Variants in RPA1 observed in about 807,000 individuals in gnomAD.
RPA1 encodes replication protein A 70 kDa DNA-binding subunit.
In RPA1, 49 loss-of-function variants were observed where a neutral mutation model predicts 83.0. That is an observed-to-expected ratio of 0.59 (90% CI 0.47 to 0.75). The LOEUF (loss-of-function observed/expected upper bound fraction) is 0.75. Among genes scored for constraint, RPA1 ranks in the 30% least tolerant of loss-of-function variants. RPA1 has a pLI of 0.00. For missense variants in RPA1, 693 were observed against 776.1 expected (o/e 0.89, Z 1.27); for synonymous variants, 279 against 281.8 (o/e 0.99, Z 0.10).
rs1445780679 is a variant in RPA1, at chr17:1,891,782, G to T, written c.1552-51G>T. On this transcript the variant is annotated intron_variant, in intron 14 of 16. Transcript: ENST00000254719. ...ATTAACCTCTCCCCATCTTCTCAGT[G>T]TGTCTTTTTATTATTTCTTTGCTGA... is the stretch of plus-strand genomic sequence containing the variant. 5.8e-6 allele frequency: 7 copies of T among 1,212,418 alleles called. No individual in the cohort carries two copies. In the South Asian group the frequency reaches 7.9e-5, roughly 14 times the overall value. 75.1% of individuals were successfully genotyped at this position (1,212,418 alleles called of 1,614,324 possible).
At chr17:1,845,369 C>CA (rs879287294) in intron 4 of RPA1, among the ~76,000 whole-genome samples, 130 of 135,190 alleles carry the variant, frequency 9.6e-4, no homozygotes, top group South Asian at 1.9e-3. Context: ...CCTGTCTCTA[C>CA]AAAAAAAAAA....
At position 1,833,020 on chromosome 17, in the gene RPA1, G is replaced by A. The variant is rs144009924; in HGVS notation, c.33+2894G>A. The stretch of plus-strand genomic sequence containing the variant: ...CGGCTCACTGCAACCTCTGCCTCCC[G>A]GGTTCAAGCGATTCTCCTGTCTTAG... On this transcript the variant is annotated intron_variant, in intron 1 of 16. Transcript: ENST00000254719. Among the ~76,000 whole-genome samples, 1,037 of 152,212 alleles carry A rather than the reference G, an allele frequency of 6.8e-3. 14 individuals carry two copies. Among genetic ancestry groups the A allele is most frequent in the African/African-American group, 0.024 (982 of 41,522 alleles).
At chr17:1,865,702 C>G (rs1913150154) in intron 5 of RPA1, among the ~76,000 whole-genome samples, 1 of 152,074 alleles carries the variant, frequency 6.6e-6, no homozygotes, top group Non-Finnish European at 1.5e-5. Flanking sequence ...AGAATGTAAC[C>G]AAATACAAAT....
rs199768407 is a variant in RPA1 at position 1,879,070 on chromosome 17, G to T, written c.759+9G>T. ...TTATTGAAGTGAACAAGGTATGGCCGTGCTGACTTTAGAACTGACACCGCC... is the reference window on the plus strand; with the variant it reads ...TTATTGAAGTGAACAAGGTATGGCCTTGCTGACTTTAGAACTGACACCGCC... On this transcript the variant is annotated intron_variant, in intron 9 of 16. Coordinates refer to ENST00000254719, the MANE Select transcript of RPA1 (RefSeq NM_002945.5). 1.1e-5 allele frequency: 18 copies of T among 1,614,136 alleles called. No individual in the cohort carries two copies. The East Asian group carries it at 3.8e-4, about 34-fold the overall frequency.
At chr17:1,850,550 G>A (rs1912455895) in intron 4 of RPA1, among the ~76,000 whole-genome samples, 1 of 143,040 alleles carries the variant, frequency 7.0e-6, no homozygotes, top group Admixed American at 7.1e-5. Flanking sequence ...AAAAAAAAAG[G>A]ATTGCCTAAT....
chr17:1,897,283 T>TGGTGCACAGTGCA lies in RPA1; in HGVS notation c.*109_*110insGTGCACAGTGCAG. The TGGTGCACAGTGCA allele has an allele frequency of 2.4e-6, 2 of 840,776 alleles. No individual in the cohort carries two copies. Among genetic ancestry groups the TGGTGCACAGTGCA allele is most frequent in the Non-Finnish European group, 3.7e-6 (2 of 539,682 alleles). The allele number at this position is 840,776 out of a possible 1,614,324, so 52.1% of individuals were successfully genotyped here. On this transcript the variant is annotated 3_prime_UTR_variant, in exon 17 of 17. Transcript: ENST00000254719. ...GTTAGCTACACAGTGCAGAGGCTCT[T>TGGTGCACAGTGCA]GATGGTGGACTAAGCAATTTCCCCC...
intron 1 of RPA1, among the ~76,000 whole-genome samples, chr17:1,837,364 T>G (rs1031835825): frequency 6.6e-6 from 1 of 152,230 alleles, no homozygotes; most frequent in African/African-American, 2.4e-5. Context: ...AAAATTTGTT[T>G]ATTTACTTAT....
chr17:1,831,667 C>G (rs1344720522), intron 1 of RPA1, among the ~76,000 whole-genome samples: 1 of 149,378 alleles, frequency 6.7e-6, no homozygotes, highest in Admixed American at 6.7e-5. Context: ...GGCGCGATCT[C>G]GGCTCACTGC....
chr17:1,849,781 A>AT (rs1223630785), intron 4 of RPA1, among the ~76,000 whole-genome samples: 1 of 152,076 alleles, frequency 6.6e-6, no homozygotes, highest in Non-Finnish European at 1.5e-5. Flanking sequence ...TGCAGGTTTT[A>AT]TTTTTTAAGT....
At chr17:1,862,717 CTTTTTTTTT>C (rs71150827) in intron 5 of RPA1, among the ~76,000 whole-genome samples, 1 of 51,762 alleles carries the variant, frequency 1.9e-5, no homozygotes, top group South Asian at 1.1e-3. Context: ...CTGTGCCCAG[CTTTTTTTTT>C]TTTTTTTTTT....
rs189268144 is a variant in RPA1, at chr17:1,897,882, C to T, written c.*707C>T. ...TAAGGAAATCCGAGCGGCTACAAAG[C>T]GTTTCTTTACTTCTCACTTCAATTA... On this transcript the variant is annotated 3_prime_UTR_variant, in exon 17 of 17. Transcript: ENST00000254719. 45 of 152,728 alleles carry T rather than the reference C, an allele frequency of 2.9e-4. No homozygotes were observed. The highest frequency in any genetic ancestry group is 2.5e-3 in the Admixed American group (38 of 15,300). The allele number at this position is 152,728 out of a possible 1,614,324, so 9.5% of individuals were successfully genotyped here.
intron 4 of RPA1, among the ~76,000 whole-genome samples, chr17:1,849,066 C>T (rs978308937): frequency 2.6e-5 from 4 of 152,072 alleles, no homozygotes; most frequent in African/African-American, 9.7e-5. Flanking sequence ...AATTGCTAGG[C>T]TAAATGGTCA....
At chr17:1,867,342 T>A (rs946140682) in intron 5 of RPA1, among the ~76,000 whole-genome samples, 2 of 151,636 alleles carry the variant, frequency 1.3e-5, no homozygotes, top group Admixed American at 6.6e-5. Context: ...AGTGTTTGTG[T>A]GTGTGTGTGT....
chr17:1,856,777 C>T (rs1451202300), intron 5 of RPA1, among the ~76,000 whole-genome samples: 1 of 151,454 alleles, frequency 6.6e-6, no homozygotes, highest in Non-Finnish European at 1.5e-5. Flanking sequence ...AGTGATCTGC[C>T]TGCCTCAGCC....
chr17:1,867,146 GAC>G (rs1229756292), intron 5 of RPA1, among the ~76,000 whole-genome samples: 2 of 152,256 alleles, frequency 1.3e-5, no homozygotes, highest in South Asian at 2.1e-4. Flanking sequence ...TTATTAAATT[GAC>G]ACATCACTTT....
chr17:1,855,498 G>A (rs1357927961), intron 5 of RPA1, among the ~76,000 whole-genome samples: 4 of 152,176 alleles, frequency 2.6e-5, no homozygotes, highest in Non-Finnish European at 4.4e-5. Context: ...GTTTTTGAGC[G>A]CTAAACCAAT....
chr17:1,896,883 G>T (rs1006191879), intron 16 of RPA1, among the ~76,000 whole-genome samples, 188 bp from the exon 17 acceptor site: 1 of 152,162 alleles, frequency 6.6e-6, no homozygotes, highest in African/African-American at 2.4e-5. Context: ...CTGTGCTGGA[G>T]AAAGGACCTG....
At position 1,853,089 on chromosome 17, in the gene RPA1, C is replaced by A; in HGVS notation, c.273-12C>A. 1 of 1,612,242 alleles carries A rather than the reference C, an allele frequency of 6.2e-7. No individual in the cohort carries two copies. The highest frequency in any genetic ancestry group is 1.1e-5 in the South Asian group (1 of 90,970). On this transcript the variant is annotated splice_polypyrimidine_tract_variant and intron_variant, in intron 4 of 16. Transcript: ENST00000254719. ...GTTTTTCTAACCTGTTTCTGTTTGT[C>A]TGCTTTTGCAGGAGAGTAGTTATCT...
At chr17:1,875,319 A>G (rs910283241) in intron 6 of RPA1, among the ~76,000 whole-genome samples, 12 of 152,116 alleles carry the variant, frequency 7.9e-5, no homozygotes, top group African/African-American at 2.9e-4. Flanking sequence ...CTCACCCATT[A>G]TCTTGCCCGT....
Sources: allele counts gnomAD v4.1 joint callset (sites outside exome capture counted in the v4.1 genomes callset), GRCh38; gene constraint gnomAD v4.1.1; transcripts MANE v1.5; gene names NCBI Gene and HGNC (gene_info 2026-07-23, HGNC 2026-07-21).